ADCY1: variants seen among roughly 807,000 people sequenced by gnomAD.
ADCY1 encodes the protein adenylate cyclase 1.
ADCY1 carries 28 observed loss-of-function variants against 105.4 expected under a neutral mutation model. The ratio of observed to expected loss-of-function variants is 0.27; its 90% CI spans 0.20 to 0.36. ADCY1 has a LOEUF of 0.36. Among genes scored for constraint, ADCY1 ranks in the 10% least tolerant of loss-of-function variants. ADCY1 has a pLI of 1.00. For synonymous variants in ADCY1, 655 were observed against 623.8 expected (o/e 1.05, Z -0.75); for missense variants, 977 against 1,434.2 (o/e 0.68, Z 5.15).
At chr7:45,680,358 C>G (rs1784532092) in intron 11 of ADCY1, 2 of 169,822 alleles carry the variant, frequency 1.2e-5, no homozygotes, top group South Asian at 2.9e-4. Flanking sequence ...TGGGCTTTTG[C>G]AGGAAAGACG....
intron 17 of ADCY1, among the ~76,000 whole-genome samples, chr7:45,705,913 T>C (rs1785108887): frequency 6.6e-6 from 1 of 152,172 alleles, no homozygotes; most frequent in Non-Finnish European, 1.5e-5. Context: ...ATGCCAGCAA[T>C]GAACAATTGG....
At chr7:45,651,142 A>G (rs1229037828) in intron 5 of ADCY1, among the ~76,000 whole-genome samples, 1 of 152,116 alleles carries the variant, frequency 6.6e-6, no homozygotes. Context: ...CCAGGGCCTC[A>G]GGAAGCTCTA....
intron 7 of ADCY1, among the ~76,000 whole-genome samples, chr7:45,661,708 G>A (rs1392808928): frequency 6.6e-6 from 1 of 152,158 alleles, no homozygotes; most frequent in African/African-American, 2.4e-5. Flanking sequence ...GGACATACTG[G>A]AAACTGAACG....
chr7:45,669,157 C>A (rs1784319181), intron 8 of ADCY1, among the ~76,000 whole-genome samples: 2 of 152,228 alleles, frequency 1.3e-5, no homozygotes, highest in South Asian at 4.1e-4. Context: ...TTAGTTATTT[C>A]TTGGCTTCCG....
At chr7:45,628,215 G>C (rs1006537581) in intron 4 of ADCY1, among the ~76,000 whole-genome samples, 2 of 152,192 alleles carry the variant, frequency 1.3e-5, no homozygotes, top group African/African-American at 2.4e-5. Context: ...GCTTGTGCTC[G>C]TATACAGGCC....
At chr7:45,659,660 A>G (rs578073879) in intron 6 of ADCY1, among the ~76,000 whole-genome samples, 2 of 152,146 alleles carry the variant, frequency 1.3e-5, no homozygotes, top group South Asian at 4.1e-4. Context: ...AGACCAGACC[A>G]TGGCTGGGGA....
chr7:45,664,477 C>G (rs1328242575), intron 8 of ADCY1: 1 of 1,501,578 alleles, frequency 6.7e-7, no homozygotes, highest in South Asian at 1.3e-5. Flanking sequence ...CTGTTCTTCT[C>G]TCAGCACTCT....
At chr7:45,698,558 A>G (rs908909477) in intron 14 of ADCY1, among the ~76,000 whole-genome samples, 58 of 152,226 alleles carry the variant, frequency 3.8e-4, no homozygotes, top group African/African-American at 1.3e-3. Flanking sequence ...GCAGGACTTG[A>G]TGGGTCTGAA....
chr7:45,663,264 GC>G (rs765703552), intron 8 of ADCY1, among the ~76,000 whole-genome samples: 2 of 152,244 alleles, frequency 1.3e-5, no homozygotes, highest in African/African-American at 2.4e-5. Context: ...CAGCCTTGGA[GC>G]TGGAGTTAGG....
At chr7:45,636,154 A>G (rs1056305865) in intron 4 of ADCY1, among the ~76,000 whole-genome samples, 4 of 152,124 alleles carry the variant, frequency 2.6e-5, no homozygotes, top group African/African-American at 9.7e-5. Context: ...TCCTTTGACT[A>G]TTGTCAGAAA....
At chr7:45,672,075 C>T (rs970733269) in intron 8 of ADCY1, among the ~76,000 whole-genome samples, 2 of 152,118 alleles carry the variant, frequency 1.3e-5, no homozygotes, top group African/African-American at 4.8e-5. Flanking sequence ...TATAGTTTTA[C>T]ATTTGATAGT....
intron 14 of ADCY1, among the ~76,000 whole-genome samples, chr7:45,698,841 A>G (rs953045880): frequency 1.3e-5 from 2 of 152,102 alleles, no homozygotes; most frequent in African/African-American, 4.8e-5. Context: ...TTCATGCATG[A>G]CCATGGTCCT....
At chr7:45,650,536 A>G (rs1253653457) in intron 5 of ADCY1, among the ~76,000 whole-genome samples, 1 of 152,100 alleles carries the variant, frequency 6.6e-6, no homozygotes, top group African/African-American at 2.4e-5. Context: ...GAGTTGAATG[A>G]TGTGGGCTGA....
chr7:45,645,011 G>A (rs1017607606), intron 4 of ADCY1, among the ~76,000 whole-genome samples: 2 of 152,136 alleles, frequency 1.3e-5, no homozygotes, highest in Admixed American at 6.5e-5. Flanking sequence ...GATGCTGAGT[G>A]AGCTGGATAT....
At chr7:45,578,484 G>C (rs10951824) in intron 1 of ADCY1, among the ~76,000 whole-genome samples, 45,134 of 152,124 alleles carry the variant, frequency 0.3, 7,348 homozygotes, top group East Asian at 0.5. Flanking sequence ...CAGTCAGTAG[G>C]GGGCAAGGCC....
intron 3 of ADCY1, among the ~76,000 whole-genome samples, chr7:45,620,590 A>G (rs77609247): frequency 9.8e-5 from 15 of 152,300 alleles, no homozygotes; most frequent in Non-Finnish European, 1.8e-4. Context: ...AGCTGAGTGC[A>G]CTCCAAGGTG....
At chr7:45,697,982 C>T (rs1784918359) in intron 14 of ADCY1, among the ~76,000 whole-genome samples, 1 of 152,124 alleles carries the variant, frequency 6.6e-6, no homozygotes, top group South Asian at 2.1e-4. Context: ...ACTCCAATTC[C>T]CCCAGCTATG....
chr7:45,579,361 C>T (rs1433558281), intron 1 of ADCY1, among the ~76,000 whole-genome samples: 1 of 152,152 alleles, frequency 6.6e-6, no homozygotes, highest in East Asian at 1.9e-4. Context: ...CCCTGCTGGC[C>T]CCTCCTCTGG....
intron 1 of ADCY1, among the ~76,000 whole-genome samples, chr7:45,589,383 G>A (rs1792837602): frequency 6.6e-6 from 1 of 152,194 alleles, no homozygotes; most frequent in Admixed American, 6.5e-5. Context: ...CTGTGGTGGG[G>A]AGGCCGCCTG....
Sources: gnomAD v4.1 joint callset for allele counts (sites outside exome capture counted in the v4.1 genomes callset) on GRCh38, gnomAD v4.1.1 for gene constraint, MANE v1.5 for transcripts, NCBI Gene and HGNC (gene_info 2026-07-23, HGNC 2026-07-21) for gene names.